CCSER1: variants seen among roughly 807,000 people sequenced by gnomAD.
The protein encoded by CCSER1 is serine-rich coiled-coil domain-containing protein 1.
In CCSER1, 41 loss-of-function variants were observed where a neutral mutation model predicts 82.0. The observed-to-expected ratio is 0.50, with a 90% CI of 0.39 to 0.65. CCSER1 has a LOEUF of 0.65. Among genes scored for constraint, CCSER1 ranks in the 30% least tolerant of loss-of-function variants. The pLI, the probability that CCSER1 is intolerant of heterozygous loss-of-function variation, is 0.00. For missense variants in CCSER1, 1,119 were observed against 1,064.2 expected, an observed-to-expected ratio of 1.05 and a Z score of -0.72; for synonymous variants, 414 against 383.9, an observed-to-expected ratio of 1.08 and a Z score of -0.92.
chr4:90,663,372 C>T (rs142281528), intron 6 of CCSER1, among the ~76,000 whole-genome samples: 46 of 152,276 alleles, frequency 3.0e-4, no homozygotes, highest in African/African-American at 9.1e-4. Flanking sequence ...CTGCTCAGTT[C>T]CAAAGCTCGG....
At position 91,340,755 on chromosome 4, in the gene CCSER1, T is replaced by A. The variant is rs17213674; in HGVS notation, c.2217+254761T>A. Among the ~76,000 whole-genome samples the A allele has an allele frequency of 8.6e-3, 1,303 of 152,298 alleles. 3 individuals carry two copies. The highest frequency in any genetic ancestry group is 0.014 in the Non-Finnish European group (923 of 68,016). Reference sequence around the variant, plus strand: ...TTTGGACTTCTTTTTGTGATTTTGATTTTAGGTTATCTTTCCATTGCCTGC... The same window carrying A: ...TTTGGACTTCTTTTTGTGATTTTGAATTTAGGTTATCTTTCCATTGCCTGC... On this transcript the variant is annotated intron_variant, in intron 10 of 10. Coordinates refer to ENST00000509176, the MANE Select transcript of CCSER1 (RefSeq NM_001145065.2).
chr4:91,227,498 G>A (rs925443982), intron 10 of CCSER1, among the ~76,000 whole-genome samples: 6 of 151,116 alleles, frequency 4.0e-5, no homozygotes, highest in Middle Eastern at 3.2e-3. Context: ...ATGATATTTA[G>A]CAAAGAAACA....
chr4:90,618,065 T>C (rs1229472019), intron 5 of CCSER1, among the ~76,000 whole-genome samples: 1 of 151,924 alleles, frequency 6.6e-6, no homozygotes, highest in Non-Finnish European at 1.5e-5. Flanking sequence ...CACAAGTCCT[T>C]TTGTTACTTT....
intron 1 of CCSER1, among the ~76,000 whole-genome samples, chr4:90,271,776 A>C (rs2153454134): frequency 7.2e-6 from 1 of 138,950 alleles, no homozygotes; most frequent in Non-Finnish European, 1.5e-5. Context: ...TTATATATGT[A>C]TTAGTCCATT....
At chr4:91,129,778 A>G (rs896633199) in intron 10 of CCSER1, 1 of 152,078 alleles carries the variant, frequency 6.6e-6, no homozygotes, top group Admixed American at 6.6e-5. Flanking sequence ...AATTATTTCT[A>G]TCAGCACAGT....
intron 9 of CCSER1, among the ~76,000 whole-genome samples, chr4:91,085,712 A>C (rs1377668991): frequency 6.6e-6 from 1 of 152,110 alleles, no homozygotes; most frequent in East Asian, 1.9e-4. Context: ...ATGTATTAAC[A>C]TTTTATTTTT....
chr4:90,375,779 T>C (rs950845016), intron 3 of CCSER1, among the ~76,000 whole-genome samples: 1 of 152,194 alleles, frequency 6.6e-6, no homozygotes, highest in African/African-American at 2.4e-5. Context: ...TCTCCAGTCA[T>C]TTTGTAGAGC....
chr4:91,291,797 A>G (rs1357206350), intron 10 of CCSER1, among the ~76,000 whole-genome samples: 1 of 152,010 alleles, frequency 6.6e-6, no homozygotes, highest in Non-Finnish European at 1.5e-5. Context: ...TGAGGCTCTG[A>G]GTAAAGAAAA....
chr4:90,913,887 G>C (rs1388257575), intron 8 of CCSER1, among the ~76,000 whole-genome samples: 2 of 152,002 alleles, frequency 1.3e-5, no homozygotes, highest in Non-Finnish European at 2.9e-5. Flanking sequence ...AAAATCAAAA[G>C]AGACAAAGAA....
At chr4:90,839,524 C>T (rs981637318) in intron 8 of CCSER1, among the ~76,000 whole-genome samples, 2 of 152,148 alleles carry the variant, frequency 1.3e-5, no homozygotes, top group African/African-American at 2.4e-5. Context: ...CATCAAGACC[C>T]AACAGTGGAA....
chr4:90,316,467 T>G (rs1303031335), intron 3 of CCSER1, among the ~76,000 whole-genome samples: 1 of 152,162 alleles, frequency 6.6e-6, no homozygotes, highest in Non-Finnish European at 1.5e-5. Context: ...GAAACAAAAT[T>G]TAGTGCTTAA....
chr4:91,354,134 C>T (rs967590506), intron 10 of CCSER1, among the ~76,000 whole-genome samples: 1 of 152,184 alleles, frequency 6.6e-6, no homozygotes, highest in Non-Finnish European at 1.5e-5. Flanking sequence ...ATTTTTAAAA[C>T]AGCTTGTAAC....
intron 10 of CCSER1, among the ~76,000 whole-genome samples, chr4:91,559,142 C>A (rs1223813056): frequency 6.6e-6 from 1 of 151,562 alleles, no homozygotes; most frequent in Non-Finnish European, 1.5e-5. Flanking sequence ...CCTCTGTCAA[C>A]TATTCTGTGC....
chr4:91,530,563 C>G (rs1212149404), intron 10 of CCSER1, among the ~76,000 whole-genome samples: 1 of 151,846 alleles, frequency 6.6e-6, no homozygotes, highest in Non-Finnish European at 1.5e-5. Context: ...ACTTTCTACA[C>G]AAGCTGATTG....
intron 10 of CCSER1, among the ~76,000 whole-genome samples, chr4:91,588,909 A>G (rs1764137783): frequency 6.6e-6 from 1 of 151,734 alleles, no homozygotes; most frequent in African/African-American, 2.4e-5. Flanking sequence ...GGCATCCAAA[A>G]CTAATCTATC....
rs60991434 is a variant in CCSER1, at chr4:91,411,238, C to A, written c.2218-187334C>A. ...GTGTTATTAAGTCCTCAGTGTTATACCAATTACTTGCAAGAAATTAAGTCC... is the reference window on the plus strand; with the variant it reads ...GTGTTATTAAGTCCTCAGTGTTATAACAATTACTTGCAAGAAATTAAGTCC... On this transcript the variant is annotated intron_variant, in intron 10 of 10. Transcript: ENST00000509176. Among the ~76,000 whole-genome samples, 1,050 of 151,418 alleles carry A rather than the reference C, an allele frequency of 6.9e-3. 14 individuals are homozygous for A. Among genetic ancestry groups the A allele is most frequent in the African/African-American group, 0.024 (979 of 41,344 alleles).
At chr4:90,454,471 G>T (rs766194266) in intron 4 of CCSER1, among the ~76,000 whole-genome samples, 11 of 152,158 alleles carry the variant, frequency 7.2e-5, no homozygotes, top group Non-Finnish European at 1.5e-4. Context: ...AAGGCAGTGG[G>T]TTTCTCATTG....
chr4:91,202,322 C>A (rs1286356682), intron 10 of CCSER1, among the ~76,000 whole-genome samples: 1 of 152,034 alleles, frequency 6.6e-6, no homozygotes, highest in Non-Finnish European at 1.5e-5. Flanking sequence ...CACACTCACA[C>A]AAAAGGGAAG....
At chr4:91,071,130 T>A (rs1227468559) in intron 9 of CCSER1, among the ~76,000 whole-genome samples, 1 of 152,222 alleles carries the variant, frequency 6.6e-6, no homozygotes, top group Non-Finnish European at 1.5e-5. Flanking sequence ...CCATTCATTT[T>A]GCAAATATTT....
Sources: gnomAD v4.1 joint callset for allele counts (sites outside exome capture counted in the v4.1 genomes callset) on GRCh38, gnomAD v4.1.1 for gene constraint, MANE v1.5 for transcripts, NCBI Gene and HGNC (gene_info 2026-07-23, HGNC 2026-07-21) for gene names.